MCHR2: variants seen among roughly 807,000 people sequenced by gnomAD.
MCHR2 encodes melanin concentrating hormone receptor 2.
In MCHR2, 15 loss-of-function variants were observed where a neutral mutation model predicts 24.8. That is an observed-to-expected ratio of 0.60 (90% CI 0.40 to 0.93). The LOEUF is 0.93. Among genes scored for constraint, MCHR2 ranks in the 40% least tolerant of loss-of-function variants. The pLI, the probability that MCHR2 is intolerant of heterozygous loss-of-function variation, is 0.00. For missense variants in MCHR2, 386 were observed against 408.7 expected, an observed-to-expected ratio of 0.94 and a Z score of 0.48; for synonymous variants, 151 against 147.6, an observed-to-expected ratio of 1.02 and a Z score of -0.17.
Position 99,934,396 on chromosome 6 carries a change from AC to A in MCHR2, c.707+1del. On this transcript the variant is annotated splice_donor_variant, in intron 5 of 5. Coordinates refer to ENST00000281806, the MANE Select transcript of MCHR2 (RefSeq NM_001040179.2). LOFTEE classifies it high-confidence loss of function. ...AACAAATAAAACAAGGCAAACACTTACCATCTGGCATCCTTATTCTGTTGAT... is the reference window on the plus strand; with the variant it reads ...AACAAATAAAACAAGGCAAACACTTACATCTGGCATCCTTATTCTGTTGAT... 6.4e-7 allele frequency: 1 copy of A among 1,571,888 alleles called. No homozygotes were observed. The highest frequency in any genetic ancestry group is 8.6e-7 in the Non-Finnish European group (1 of 1,165,742).
At chr6:99,941,920 C>G (rs1234182138) in intron 4 of MCHR2, among the ~76,000 whole-genome samples, 2 of 151,850 alleles carry the variant, frequency 1.3e-5, no homozygotes, top group Non-Finnish European at 2.9e-5. Flanking sequence ...CCACATAATG[C>G]AGAAATGACT....
chr6:99,952,623 A>C (rs966312378), intron 2 of MCHR2, among the ~76,000 whole-genome samples: 6 of 152,160 alleles, frequency 3.9e-5, no homozygotes, highest in African/African-American at 1.4e-4. Flanking sequence ...AGATCATGGC[A>C]AAGCATGATG....
chr6:99,922,419 T>G (rs1009154678), intron 5 of MCHR2, among the ~76,000 whole-genome samples: 24 of 152,180 alleles, frequency 1.6e-4, no homozygotes, highest in Non-Finnish European at 3.2e-4. Context: ...ATTTGTCCAT[T>G]TTTTGCTTTG....
chr6:99,971,472 G>A (rs146523475), intron 1 of MCHR2, among the ~76,000 whole-genome samples: 93 of 152,214 alleles, frequency 6.1e-4, no homozygotes, highest in African/African-American at 2.0e-3. Context: ...TGAGACATTG[G>A]GGTTTTCTAG....
In MCHR2 at chr6:99,947,868, C is replaced by T. The variant is rs201865819; in HGVS notation, c.286G>A (p.Gly96Arg). ...GGCCCCCCAAACACCCACTCTCCCC[C>T]TCGGGCCCATTGGTGAATAAGAAAA... ...MPFLIHQWAR[G>R]GEWVFGGPLC... is the part of the protein sequence containing the mutation. Residue 96 changes from glycine to arginine, a missense_variant, in exon 3 of 6, where the codon GGG becomes AGG. By Grantham distance (125) the Gly-to-Arg change is moderately radical. Coordinates refer to ENST00000281806, the MANE Select transcript of MCHR2 (RefSeq NM_001040179.2). The T allele has an allele frequency of 2.5e-6, 4 of 1,613,760 alleles. No homozygotes were observed. The highest frequency in any genetic ancestry group is 2.2e-5 in the South Asian group (2 of 91,080).
At chr6:99,989,123 T>G (rs1015284300) in intron 1 of MCHR2, among the ~76,000 whole-genome samples, 7 of 152,178 alleles carry the variant, frequency 4.6e-5, no homozygotes, top group Non-Finnish European at 1.5e-5. Context: ...TAAGATCATA[T>G]GAAATACACC....
At chr6:99,960,451 T>G (rs926535416) in intron 1 of MCHR2, among the ~76,000 whole-genome samples, 3 of 152,142 alleles carry the variant, frequency 2.0e-5, no homozygotes, top group Non-Finnish European at 4.4e-5. Flanking sequence ...AAGCTACCAA[T>G]GACTTTCTTC....
At chr6:99,921,291 C>G (rs1005952924) in intron 5 of MCHR2, 36 bp from the exon 6 acceptor site, 20 of 1,583,218 alleles carry the variant, frequency 1.3e-5, no homozygotes, top group Non-Finnish European at 1.7e-5. Flanking sequence ...AGGGTATAAA[C>G]AACCATAGAA....
rs1582383971 is a variant in MCHR2, at chr6:99,945,633, G to A, written c.392+2129C>T. ...ATTTAGTTATGATCTTACAAAGCAAGCCTCATTTCTCTTTTACAAAATTGC... is the reference window on the plus strand; with the variant it reads ...ATTTAGTTATGATCTTACAAAGCAAACCTCATTTCTCTTTTACAAAATTGC... On this transcript the variant is annotated intron_variant, in intron 3 of 5. Coordinates refer to ENST00000281806, the MANE Select transcript of MCHR2 (RefSeq NM_001040179.2). Among the ~76,000 whole-genome samples the A allele has an allele frequency of 2.0e-5, 3 of 152,216 alleles. No individual in the cohort carries two copies. In the East Asian group the frequency reaches 5.8e-4, roughly 29 times the overall value.
intron 1 of MCHR2, among the ~76,000 whole-genome samples, chr6:99,985,812 A>G (rs1223865443): frequency 1.3e-5 from 2 of 152,204 alleles, no homozygotes; most frequent in African/African-American, 2.4e-5. Flanking sequence ...AACAAAAACA[A>G]TAGGCAAATG....
At chr6:99,947,234 A>T (rs1471531531) in intron 3 of MCHR2, among the ~76,000 whole-genome samples, 1 of 152,144 alleles carries the variant, frequency 6.6e-6, no homozygotes, top group Non-Finnish European at 1.5e-5. Context: ...GGCACTGGGA[A>T]ATTGCTTCAT....
intron 1 of MCHR2, among the ~76,000 whole-genome samples, chr6:99,989,504 A>G (rs1371146931): frequency 1.8e-4 from 28 of 152,162 alleles, no homozygotes; most frequent in Admixed American, 1.8e-3. Context: ...TTCCTCTGTA[A>G]GTGAGTGGTA....
Position 99,993,977 on chromosome 6 carries a change from G to T in MCHR2, c.-69C>A, listed in dbSNP as rs1167036722. The T allele has an allele frequency of 1.3e-5, 2 of 152,176 alleles. No homozygotes were observed. Among genetic ancestry groups the T allele is most frequent in the African/African-American group, 4.8e-5 (2 of 41,442 alleles). The allele number at this position is 152,176 out of a possible 1,614,324, so 9.4% of individuals were successfully genotyped here. ...TCCCCGCGCGGCGGACAGCCCGGGC[G>T]CCCTTCCTCTCTGCGGGACTGCAGG... On this transcript the variant is annotated 5_prime_UTR_variant, in exon 1 of 6. Transcript: ENST00000281806.
intron 1 of MCHR2, among the ~76,000 whole-genome samples, chr6:99,987,159 G>A (rs1052403194): frequency 1.3e-5 from 2 of 151,812 alleles, no homozygotes; most frequent in African/African-American, 4.8e-5. Context: ...GGAGTGCAGC[G>A]GTGTGATCTC....
chr6:99,940,931 C>G (rs1055156479), intron 4 of MCHR2, among the ~76,000 whole-genome samples: 2 of 152,090 alleles, frequency 1.3e-5, no homozygotes, highest in Non-Finnish European at 2.9e-5. Context: ...TATAGCCACT[C>G]TGATTTAGTG....
At chr6:99,931,775 A>G in intron 5 of MCHR2, among the ~76,000 whole-genome samples, 1 of 151,808 alleles carries the variant, frequency 6.6e-6, no homozygotes, top group Non-Finnish European at 1.5e-5. Context: ...GAACTCCCTG[A>G]CCCCTTGCGC....
intron 1 of MCHR2, among the ~76,000 whole-genome samples, chr6:99,981,694 T>A (rs967384146): frequency 2.0e-4 from 30 of 152,214 alleles, no homozygotes; most frequent in African/African-American, 7.2e-4. Context: ...TTACCATTGC[T>A]GTTACTATTA....
intron 1 of MCHR2, among the ~76,000 whole-genome samples, chr6:99,974,856 G>C (rs1184851249): frequency 6.6e-6 from 1 of 152,180 alleles, no homozygotes; most frequent in Admixed American, 6.5e-5. Flanking sequence ...CAGCAGTGGT[G>C]GCTGCAGAAC....
chr6:99,938,232 C>G (rs1774703893), intron 4 of MCHR2, among the ~76,000 whole-genome samples: 1 of 151,768 alleles, frequency 6.6e-6, no homozygotes, highest in Admixed American at 6.6e-5. Context: ...TTATTTCCTG[C>G]TACTAATTTT....
Sources: gnomAD v4.1 joint callset for allele counts (sites outside exome capture counted in the v4.1 genomes callset) on GRCh38, gnomAD v4.1.1 for gene constraint, MANE v1.5 for transcripts, NCBI Gene and HGNC (gene_info 2026-07-23, HGNC 2026-07-21) for gene names.